CCM2: variants seen among roughly 807,000 people sequenced by gnomAD.
The protein encoded by CCM2 is CCM2 scaffold protein.
A neutral mutation model predicts 44.9 loss-of-function variants in CCM2; 25 were observed. The observed-to-expected ratio is 0.56, with a 90% confidence interval of 0.41 to 0.78. The LOEUF (loss-of-function observed/expected upper bound fraction) is 0.78. Among genes scored for constraint, CCM2 ranks in the 30% least tolerant of loss-of-function variants. The probability of loss-of-function intolerance (pLI) is 0.00; values close to 1 mark genes in which losing one functional copy is unlikely to be tolerated. For synonymous variants in CCM2, 219 were observed against 241.1 expected, an observed-to-expected ratio of 0.91 and a Z score of 0.85; for missense variants, 481 against 580.6, an observed-to-expected ratio of 0.83 and a Z score of 1.76.
At chr7:45,067,895 C>T (rs1798861144) in intron 4 of CCM2, 1 of 180,882 alleles carries the variant, frequency 5.5e-6, no homozygotes, top group African/African-American at 2.4e-5. Flanking sequence ...GAGAGCCCTG[C>T]TTCCTGGGGA....
rs1315003332 is a variant in CCM2, at chr7:45,076,310, G to A, written c.*253G>A. 19 of 668,860 alleles carry A rather than the reference G, an allele frequency of 2.8e-5. No individual in the cohort carries two copies. Among genetic ancestry groups the A allele is most frequent in the Middle Eastern group, 3.8e-4 (1 of 2,630 alleles). 41.4% of individuals were successfully genotyped at this position (668,860 alleles called of 1,614,324 possible). A position where few individuals can be genotyped will look rare whatever the true frequency, so the allele number is the denominator to read the frequency against. Reference sequence around the variant, plus strand: ...CAGCCAAGCCCTGCAGTGTGTCCCCGCTCGGGGAGGGCCCGGCCGAGCGGG... The same window carrying A: ...CAGCCAAGCCCTGCAGTGTGTCCCCACTCGGGGAGGGCCCGGCCGAGCGGG... On this transcript the variant is annotated 3_prime_UTR_variant, in exon 10 of 10. Transcript: ENST00000258781.
chr7:45,009,913 CTT>C (rs771106378), intron 1 of CCM2, among the ~76,000 whole-genome samples: 7 of 142,760 alleles, frequency 4.9e-5, no homozygotes, highest in Admixed American at 7.0e-5. Flanking sequence ...GAAATACACA[CTT>C]TTTTTTTTTT....
chr7:45,003,302 C>T (rs1040180972), intron 1 of CCM2, among the ~76,000 whole-genome samples: 1 of 151,932 alleles, frequency 6.6e-6, no homozygotes, highest in Non-Finnish European at 1.5e-5. Context: ...TCTCAAACTC[C>T]GGATCTCAGG....
At position 45,029,435 on chromosome 7, in the gene CCM2, C is replaced by T. The variant is rs373803676; in HGVS notation, c.31-8818C>T. On this transcript the variant is annotated intron_variant, in intron 1 of 9. Coordinates refer to ENST00000258781, the MANE Select transcript of CCM2 (RefSeq NM_031443.4). ...GTGACTAAGTGTTCTTCTCTTTCTT[C>T]CTTCATAGACTTTTTAGCACTTTCT... is the stretch of plus-strand genomic sequence containing the variant. The T allele has an allele frequency of 5.9e-5, 9 of 152,280 alleles. 1 individual carries two copies. The East Asian group carries it at 9.6e-4, about 16-fold the overall frequency. The allele number at this position is 152,280 out of a possible 1,614,324, so 9.4% of individuals were successfully genotyped here.
Position 45,069,916 on chromosome 7 carries a change from T to C in CCM2, c.700T>C (p.Phe234Leu). The change falls in exon 6 of 10, where the codon TTT becomes CTT. Residue 234 changes from phenylalanine (F) to leucine (L), a missense_variant. By Grantham distance (22) the Phe-to-Leu change is conservative. Coordinates refer to ENST00000258781, the MANE Select transcript of CCM2 (RefSeq NM_031443.4). ...STIDFLDRAI[F>L]DGASTPTHHL... is the part of the protein sequence containing the mutation. The stretch of plus-strand genomic sequence containing the variant: ...CATCGACTTTCTGGACAGAGCGATA[T>C]TTGATGGGGCCTCTACCCCGACCCA... 6.2e-7 allele frequency: 1 copy of C among 1,614,134 alleles called. No homozygotes were observed. Among genetic ancestry groups the C allele is most frequent in the Non-Finnish European group, 8.5e-7 (1 of 1,180,032 alleles).
intron 2 of CCM2, among the ~76,000 whole-genome samples, chr7:45,055,548 G>A (rs576518710): frequency 6.6e-6 from 1 of 152,124 alleles, no homozygotes; most frequent in Non-Finnish European, 1.5e-5. Context: ...AATTAGCTGG[G>A]TGTGGTGACG....
chr7:45,003,593 G>A (rs1055344555), intron 1 of CCM2, among the ~76,000 whole-genome samples: 41 of 152,058 alleles, frequency 2.7e-4, no homozygotes, highest in Non-Finnish European at 2.6e-4. Flanking sequence ...TTAGCTGGGC[G>A]TGGTGGCATG....
intron 1 of CCM2, 57 bp downstream of exon 1, chr7:45,000,420 G>A: frequency 1.4e-6 from 1 of 739,050 alleles, no homozygotes; most frequent in Non-Finnish European, 1.8e-6. Context: ...GGGTTGAGGG[G>A]CCAGGGTGGG....
intron 1 of CCM2, among the ~76,000 whole-genome samples, chr7:45,008,688 C>T (rs1231856972): frequency 6.6e-6 from 1 of 152,098 alleles, no homozygotes; most frequent in African/African-American, 2.4e-5. Context: ...AATGAGATGC[C>T]TTGGTCAGGT....
intron 4 of CCM2, among the ~76,000 whole-genome samples, chr7:45,066,092 A>AT (rs1290236610): frequency 3.3e-5 from 5 of 151,960 alleles, no homozygotes; most frequent in African/African-American, 1.2e-4. Flanking sequence ...TGGATGACAG[A>AT]TTTTTTTTAA....
At chr7:45,038,181 T>G in intron 1 of CCM2, 72 bp from the exon 2 acceptor site, 1 of 1,589,566 alleles carries the variant, frequency 6.3e-7, no homozygotes, top group Non-Finnish European at 8.6e-7. Context: ...GCTACTTCTG[T>G]TTGTTAACCA....
chr7:45,000,459 G>GGGGT, intron 1 of CCM2, 96 bp downstream of exon 1: 1 of 316,430 alleles, frequency 3.2e-6, no homozygotes. Context: ...GGGCCCGGGG[G>GGGGT]GGGGGGCAGT....
intron 9 of CCM2, among the ~76,000 whole-genome samples, chr7:45,074,800 C>T (rs1412705824): frequency 6.6e-6 from 1 of 152,146 alleles, no homozygotes; most frequent in Non-Finnish European, 1.5e-5. Flanking sequence ...GACTTCAAGG[C>T]GGAAGGACCA....
Position 45,000,318 on chromosome 7 carries a change from AGCCGC to A in CCM2, c.-15_-11del, listed in dbSNP as rs1795539837. On this transcript the variant is annotated 5_prime_UTR_variant, in exon 1 of 10. Transcript: ENST00000258781. ...CGGGGCGGGCCGGGCGGGCCGCGGGAGCCGCACGCGGCGATATGGAAGAGGAGGGC... is the reference window on the plus strand; with the variant it reads ...CGGGGCGGGCCGGGCGGGCCGCGGGAACGCGGCGATATGGAAGAGGAGGGC... The A allele has an allele frequency of 8.0e-7, 1 of 1,242,804 alleles. No homozygotes were observed. The highest frequency in any genetic ancestry group is 1.7e-5 in the African/African-American group (1 of 60,094). 77.0% of individuals were successfully genotyped at this position (1,242,804 alleles called of 1,614,324 possible).
At chr7:45,060,149 C>A (rs965557545) in intron 2 of CCM2, among the ~76,000 whole-genome samples, 5 of 152,122 alleles carry the variant, frequency 3.3e-5, no homozygotes, top group Non-Finnish European at 5.9e-5. Flanking sequence ...AATGTTAAAT[C>A]CCTGAGTTTT....
Position 45,038,430 on chromosome 7 carries a change from A to G in CCM2, c.204+4A>G. The G allele has an allele frequency of 6.2e-7, 1 of 1,613,900 alleles. No homozygotes were observed. Among genetic ancestry groups the G allele is most frequent in the Non-Finnish European group, 8.5e-7 (1 of 1,180,006 alleles). On this transcript the variant is annotated splice_donor_region_variant and intron_variant, in intron 2 of 9. Coordinates refer to ENST00000258781, the MANE Select transcript of CCM2 (RefSeq NM_031443.4). ...CTATATTGAGAAGGAGGTAAAGGTA[A>G]GTCGTCATGGGCCACAGGACGTGCC...
At chr7:45,043,095 C>T (rs1287801249) in intron 2 of CCM2, among the ~76,000 whole-genome samples, 2 of 151,894 alleles carry the variant, frequency 1.3e-5, no homozygotes, top group Non-Finnish European at 2.9e-5. Flanking sequence ...ACCTTAGCCT[C>T]CTGAGTAGCT....
chr7:45,003,912 G>A (rs949558533), intron 1 of CCM2, among the ~76,000 whole-genome samples: 1 of 152,156 alleles, frequency 6.6e-6, no homozygotes, highest in African/African-American at 2.4e-5. Context: ...TGAGTGTAGT[G>A]GCTACGCCTG....
chr7:45,051,459 G>A (rs1451363049), intron 2 of CCM2, among the ~76,000 whole-genome samples: 2 of 152,064 alleles, frequency 1.3e-5, no homozygotes, highest in Admixed American at 6.5e-5. Context: ...GTGCAGTGGC[G>A]TGGTCTTGGC....
Sources: gnomAD v4.1 joint callset for allele counts (sites outside exome capture counted in the v4.1 genomes callset) on GRCh38, gnomAD v4.1.1 for gene constraint, MANE v1.5 for transcripts, NCBI Gene and HGNC (gene_info 2026-07-23, HGNC 2026-07-21) for gene names.